YBX2: variants seen among roughly 807,000 people sequenced by gnomAD.
YBX2 encodes Y-box binding protein 2.
A neutral mutation model predicts 44.4 loss-of-function variants in YBX2; 5 were observed. The ratio of observed to expected loss-of-function variants is 0.11; its 90% CI spans 0.06 to 0.24. YBX2 has a LOEUF of 0.24. Ranked by LOEUF, YBX2 falls within the 10% of genes least tolerant of loss-of-function variation. The probability of loss-of-function intolerance (pLI) is 1.00; values close to 1 mark genes in which losing one functional copy is unlikely to be tolerated. For missense variants in YBX2, 417 were observed against 526.9 expected, an observed-to-expected ratio of 0.79 and a Z score of 2.04; for synonymous variants, 188 against 216.1, an observed-to-expected ratio of 0.87 and a Z score of 1.14.
chr17:7,294,164 C>G lies in YBX2; in HGVS notation c.271+66G>C, dbSNP rs926357692. ...CTTTGGTTTTCCGGATCCTGCCGGG[C>G]TCCACACTGCCCCTCCCCCAGCCCG... On this transcript the variant is annotated intron_variant, in intron 1 of 8. Transcript: ENST00000007699. The surrounding 1 kb of genome is among the most constrained non-coding windows in gnomAD (Gnocchi z 4.6). The G allele has an allele frequency of 8.1e-7, 1 of 1,240,738 alleles. No individual in the cohort carries two copies. Among genetic ancestry groups the G allele is most frequent in the Non-Finnish European group, 1.0e-6 (1 of 994,500 alleles). 76.9% of individuals were successfully genotyped at this position (1,240,738 alleles called of 1,614,324 possible).
chr17:7,289,768 C>T (rs1292472732), intron 6 of YBX2, 43 bp from the exon 7 acceptor site: 1 of 1,610,922 alleles, frequency 6.2e-7, no homozygotes, highest in Non-Finnish European at 8.5e-7. Context: ...GGGAATACTC[C>T]CTCCCCAGGG....
chr17:7,290,600 C>G, intron 4 of YBX2, 65 bp from the exon 5 acceptor site: 1 of 1,567,580 alleles, frequency 6.4e-7, no homozygotes, highest in Admixed American at 1.8e-5. Context: ...TCCCAACTTG[C>G]TTCCCCTTCT....
rs2072497673 is a variant in YBX2, at chr17:7,290,981, A to G, written c.459+112T>C. ...CATCAGGGTGAGAGAACACAGTCCC[A>G]TTCCCGCAGAACGGGTCAGAGCTGG... On this transcript the variant is annotated intron_variant, in intron 4 of 8. Coordinates refer to ENST00000007699, the MANE Select transcript of YBX2 (RefSeq NM_015982.4). The G allele has an allele frequency of 1.5e-5, 16 of 1,049,634 alleles. No individual in the cohort carries two copies. The South Asian group carries it at 1.9e-4, about 12-fold the overall frequency. 65.0% of individuals were successfully genotyped at this position (1,049,634 alleles called of 1,614,324 possible). A position where few individuals can be genotyped will look rare whatever the true frequency, so the allele number is the denominator to read the frequency against.
intron 5 of YBX2, 51 bp downstream of exon 5, chr17:7,290,200 C>G: frequency 1.9e-6 from 3 of 1,608,442 alleles, no homozygotes; most frequent in South Asian, 1.1e-5. Context: ...CTAACTCCCA[C>G]TCCTCTCCTG....
chr17:7,292,190 T>C, intron 2 of YBX2, 131 bp from the exon 3 acceptor site: 1 of 1,071,182 alleles, frequency 9.3e-7, no homozygotes, highest in South Asian at 1.3e-5. Context: ...GGGGTGGACA[T>C]GGCCTGGGGA....
In YBX2 at chr17:7,294,264, G is replaced by T. The variant is rs1488562650; in HGVS notation, c.237C>A (p.Pro79=). ...PATAVSGTPA[P]PARSQADKPV... ...GCTTGTCCGCCTGACTCCGGGCCGG[G>T]GGGGCGGGGGTTCCCGAGACCGCCG... Residue 79 remains proline (P), a synonymous_variant, in exon 1 of 9, where the codon CCC becomes CCA. Transcript: ENST00000007699. The surrounding 1 kb of genome is among the most constrained non-coding windows in gnomAD (Gnocchi z 4.6). 2.4e-6 allele frequency: 3 copies of T among 1,274,022 alleles called. No individual in the cohort carries two copies. The highest frequency in any genetic ancestry group is 3.1e-5 in the East Asian group (1 of 32,198). 78.9% of individuals were successfully genotyped at this position (1,274,022 alleles called of 1,614,324 possible).
chr17:7,291,024 C>T lies in YBX2; in HGVS notation c.459+69G>A, dbSNP rs2072498077. Reference sequence around the variant, plus strand: ...AGAGCTGGCCCCAGGAGGGTCTTAGCCTGTGATGACCTCCAGGCCACCCTC... The same window carrying T: ...AGAGCTGGCCCCAGGAGGGTCTTAGTCTGTGATGACCTCCAGGCCACCCTC... On this transcript the variant is annotated intron_variant, in intron 4 of 8. Transcript: ENST00000007699. The surrounding 1 kb of genome is among the most constrained non-coding windows in gnomAD (Gnocchi z 5.8). 10 of 1,511,032 alleles carry T rather than the reference C, an allele frequency of 6.6e-6. No individual in the cohort carries two copies. Among genetic ancestry groups the T allele is most frequent in the Non-Finnish European group, 9.2e-6 (10 of 1,087,842 alleles). 93.6% of individuals were successfully genotyped at this position (1,511,032 alleles called of 1,614,324 possible).
intron 4 of YBX2, among the ~76,000 whole-genome samples, 182 bp from the exon 5 acceptor site, chr17:7,290,717 A>C (rs1365983089): frequency 6.6e-6 from 1 of 152,160 alleles, no homozygotes; most frequent in Non-Finnish European, 1.5e-5. Context: ...AAGGAGCAAC[A>C]TGTCCTTTTG....
At chr17:7,289,935 G>C (rs1417550533) in intron 6 of YBX2, 33 bp downstream of exon 6, 2 of 1,611,066 alleles carry the variant, frequency 1.2e-6, no homozygotes, top group Non-Finnish European at 1.7e-6. Flanking sequence ...AACACTGGAA[G>C]GGGAAGACCA....
Position 7,289,588 on chromosome 17 carries a change from C to G in YBX2, c.986G>C (p.Arg329Pro). The G allele has an allele frequency of 6.2e-7, 1 of 1,612,034 alleles. No individual in the cohort carries two copies. Among genetic ancestry groups the G allele is most frequent in the Non-Finnish European group, 8.5e-7 (1 of 1,179,702 alleles). The change falls in exon 7 of 9, where the codon CGG (arginine) becomes CCG (proline). Residue 329 changes from arginine to proline, a missense_variant. By Grantham distance (103) the Arg-to-Pro change is moderately radical. This residue lies in a region of YBX2 where 257 missense variants were observed against 261.7 expected (regional missense o/e 0.98). Coordinates refer to ENST00000007699, the MANE Select transcript of YBX2 (RefSeq NM_015982.4). Reference sequence around the variant, plus strand: ...CTGCTGGGGGCCAGGGGCCTGCTGCCGTCTCCGCTGGAAGTAGGGGCGGTT... The same window carrying G: ...CTGCTGGGGGCCAGGGGCCTGCTGCGGTCTCCGCTGGAAGTAGGGGCGGTT... The part of the protein sequence containing the change: ...PRNRPYFQRR[R>P]QQAPGPQQAP...
intron 4 of YBX2, among the ~76,000 whole-genome samples, chr17:7,290,831 A>G (rs1377007133): frequency 6.6e-6 from 1 of 152,182 alleles, no homozygotes; most frequent in Non-Finnish European, 1.5e-5. Flanking sequence ...GAAGTCTAGG[A>G]CAGGGCCCCA....
Position 7,290,437 on chromosome 17 carries a change from C to T in YBX2, c.558G>A (p.Arg186=). ...NRRKSRRFIP[R]PPSVAPPPMV... ...TGGGTGGTGGGGCAACTGAGGGAGG[C>T]CGGGGGATGAATCGGCGGGACTTAC... Residue 186 remains arginine (R), a synonymous_variant, in exon 5 of 9, where the codon CGG becomes CGA. Coordinates refer to ENST00000007699, the MANE Select transcript of YBX2 (RefSeq NM_015982.4). The T allele has an allele frequency of 1.2e-6, 2 of 1,614,022 alleles. No individual in the cohort carries two copies. The highest frequency in any genetic ancestry group is 8.5e-7 in the Non-Finnish European group (1 of 1,179,992).
rs1481003303 is a variant in YBX2, at chr17:7,294,509, G to C, written c.-9C>G. The C allele has an allele frequency of 6.9e-7, 1 of 1,456,528 alleles. No homozygotes were observed. The highest frequency in any genetic ancestry group is 1.5e-5 in the African/African-American group (1 of 67,602). 90.2% of individuals were successfully genotyped at this position (1,456,528 alleles called of 1,614,324 possible). On this transcript the variant is annotated 5_prime_UTR_variant, in exon 1 of 9. Coordinates refer to ENST00000007699, the MANE Select transcript of YBX2 (RefSeq NM_015982.4). The surrounding 1 kb of genome is among the most constrained non-coding windows in gnomAD (Gnocchi z 4.6). Reference sequence around the variant, plus strand: ...GCCTCCACCTCGCTCATCCCGCCGGGTCCAGTACCGGCCACAGCCGCCACC... The same window carrying C: ...GCCTCCACCTCGCTCATCCCGCCGGCTCCAGTACCGGCCACAGCCGCCACC...
At chr17:7,292,154 G>C (rs1238289936) in intron 2 of YBX2, 95 bp from the exon 3 acceptor site, 4 of 1,407,018 alleles carry the variant, frequency 2.8e-6, no homozygotes, top group Non-Finnish European at 4.0e-6. Context: ...AGCTCAGTGG[G>C]CCCATCCTCT....
At chr17:7,293,708 C>G in intron 1 of YBX2, 170 bp from the exon 2 acceptor site, 1 of 1,330,216 alleles carries the variant, frequency 7.5e-7, no homozygotes, top group South Asian at 1.4e-5. Context: ...TATTCCTACC[C>G]TAGTCCACCA....
At position 7,290,024 on chromosome 17, in the gene YBX2, G is replaced by C; in HGVS notation, c.792C>G (p.His264Gln). ...GGACTCGCTCATCTCCCTGCTGTTG[G>C]TGCCCCTCCAATGGGGCTGTCTCTT... is the stretch of plus-strand genomic sequence containing the variant. ...EPKETAPLEG[H>Q]QQQGDERVPP... The change falls in exon 6 of 9, where the codon CAC becomes CAG. Residue 264 changes from histidine to glutamine, a missense_variant. Transcript: ENST00000007699. 1 of 1,614,232 alleles carries C rather than the reference G, an allele frequency of 6.2e-7. No homozygotes were observed. The highest frequency in any genetic ancestry group is 1.1e-5 in the South Asian group (1 of 91,090).
Position 7,294,478 on chromosome 17 carries a change from G to A in YBX2, c.23C>T (p.Ala8Val), listed in dbSNP as rs1331321297. ...CGCCGCGGGGACCGCTGTAGCCCCC[G>A]CTGCCGCCTCCACCTCGCTCATCCC... MSEVEAA[A>V]GATAVPAATV... Residue 8 changes from alanine to valine, a missense_variant, in exon 1 of 9, where the codon GCG becomes GTG. Physicochemically the swap from Ala to Val is moderately conservative, Grantham distance 64. Around this residue, in one of 3 missense-constraint regions of YBX2, gnomAD observed 121 missense variants for 141.3 expected, o/e 0.86. Transcript: ENST00000007699. This position sits in a 1 kb window ranked among gnomAD's most constrained non-coding sequence, Gnocchi z 4.6. The A allele has an allele frequency of 2.7e-6, 4 of 1,471,654 alleles. No individual in the cohort carries two copies. Among genetic ancestry groups the A allele is most frequent in the East Asian group, 3.0e-5 (1 of 33,578 alleles). 91.2% of individuals were successfully genotyped at this position (1,471,654 alleles called of 1,614,324 possible).
intron 7 of YBX2, 90 bp downstream of exon 7, chr17:7,289,440 G>C: frequency 3.3e-6 from 5 of 1,531,726 alleles, no homozygotes; most frequent in Non-Finnish European, 3.5e-6. Flanking sequence ...GAGGGGAGGA[G>C]CCAAAGGATA....
Position 7,288,793 on chromosome 17 carries a change from C to A in YBX2, c.1090G>T (p.Glu364Ter). 6.2e-7 allele frequency: 1 copy of A among 1,614,056 alleles called. No individual in the cohort carries two copies. Among genetic ancestry groups the A allele is most frequent in the Non-Finnish European group, 8.5e-7 (1 of 1,179,942 alleles). Residue 364 changes from glutamate (E) to a stop codon, truncating the protein, a stop_gained, in exon 8 of 9, where the codon GAG becomes TAG. Coordinates refer to ENST00000007699, the MANE Select transcript of YBX2 (RefSeq NM_015982.4). LOFTEE classifies it high-confidence loss of function. ...NSGDPTTTIL[E>*] ...TCCTCTGAGTTGAGTTGGAATCACTCCAGGATGGTGGTGGTGGGGTCCCCA... is the reference window on the plus strand; with the variant it reads ...TCCTCTGAGTTGAGTTGGAATCACTACAGGATGGTGGTGGTGGGGTCCCCA...
Sources: gnomAD v4.1 joint callset for allele counts (sites outside exome capture counted in the v4.1 genomes callset) on GRCh38, gnomAD v4.1.1 for gene constraint, gnomAD v4.1.1 regional missense constraint, Gnocchi (gnomAD v3.1) non-coding constraint, MANE v1.5 for transcripts, NCBI Gene and HGNC (gene_info 2026-07-23, HGNC 2026-07-21) for gene names.